OTUD7B: variants seen among roughly 807,000 people sequenced by gnomAD.
OTUD7B encodes OTU deubiquitinase 7B.
A neutral mutation model predicts 82.2 loss-of-function variants in OTUD7B; 34 were observed. The ratio of observed to expected loss-of-function variants is 0.41; its 90% CI spans 0.31 to 0.55. OTUD7B has a LOEUF of 0.55. OTUD7B is among the 20% of genes least tolerant of loss of function. OTUD7B has a pLI of 0.20. For synonymous variants in OTUD7B, 398 were observed against 402.7 expected, an observed-to-expected ratio of 0.99 and a Z score of 0.14; for missense variants, 944 against 1,062.1, an observed-to-expected ratio of 0.89 and a Z score of 1.55.
chr1:150,064,132 T>C, the OTUD7B span, among the ~76,000 whole-genome samples: 13 of 152,252 alleles, frequency 8.5e-5, no homozygotes, highest in Non-Finnish European at 2.9e-5. Flanking sequence ...TTTTGATTTC[T>C]AATAATCGAA....
At chr1:149,972,808 G>A (rs587633643) in intron 2 of OTUD7B, among the ~76,000 whole-genome samples, 3 of 152,156 alleles carry the variant, frequency 2.0e-5, no homozygotes, top group South Asian at 2.1e-4. Context: ...CTTGAGCATC[G>A]GATCTATACT....
At chr1:150,066,969 C>CCTGA in the OTUD7B span, 3 of 152,256 alleles carry the variant, frequency 2.0e-5, no homozygotes, top group Non-Finnish European at 2.9e-5. The surrounding 1 kb of genome is among the most constrained non-coding windows in gnomAD (Gnocchi z 4.6). Context: ...TCGGCTCTTG[C>CCTGA]CTGAGTTTCA....
chr1:149,960,217 C>G (rs1553775363), intron 6 of OTUD7B, among the ~76,000 whole-genome samples: 1 of 151,896 alleles, frequency 6.6e-6, no homozygotes. Flanking sequence ...ACTTTCTATT[C>G]CTCTAAATTC....
At chr1:150,059,306 C>CT in the OTUD7B span, among the ~76,000 whole-genome samples, 580 of 42,286 alleles carry the variant, frequency 0.014, 98 homozygotes, top group African/African-American at 0.058. Flanking sequence ...ACCCCCCCCC[C>CT]CCCCGCCTCC....
intron 11 of OTUD7B, among the ~76,000 whole-genome samples, chr1:149,946,278 G>A (rs587709019): frequency 2.0e-4 from 30 of 151,020 alleles, no homozygotes; most frequent in African/African-American, 6.8e-4. Flanking sequence ...CAGGAGAATC[G>A]CTTGAACCCA....
At chr1:150,014,034 ACG>A (rs1653191424), upstream of OTUD7B, among the ~76,000 whole-genome samples, 1 of 128,908 alleles carries the variant, frequency 7.8e-6, no homozygotes, top group Non-Finnish European at 1.7e-5. Flanking sequence ...ACGTATATAT[ACG>A]TATATATGTG....
intron 1 of OTUD7B, among the ~76,000 whole-genome samples, chr1:149,995,346 G>A (rs113562634): frequency 0.047 from 7,146 of 152,188 alleles, 215 homozygotes; most frequent in Non-Finnish European, 0.072. Flanking sequence ...TTGGAAGGCT[G>A]AGCAGGTGGA....
the OTUD7B span, among the ~76,000 whole-genome samples, chr1:150,057,904 C>A: frequency 6.6e-6 from 1 of 152,168 alleles, no homozygotes; most frequent in African/African-American, 2.4e-5. Context: ...GTATAGCTAG[C>A]TAACATCACA....
rs1261463415 is a variant in OTUD7B, at chr1:149,938,313, T to G, written c.*5544A>C. 6.6e-6 allele frequency: 1 copy of G among 151,278 alleles called. No individual in the cohort carries two copies. Among genetic ancestry groups the G allele is most frequent in the Non-Finnish European group, 1.5e-5 (1 of 67,872 alleles). 9.4% of individuals were successfully genotyped at this position (151,278 alleles called of 1,614,324 possible). ...CCATCTCTACTGAAAATACAAAAAT[T>G]AGCCAGGCGTGGTGGCTCACACCTA... is the stretch of plus-strand genomic sequence containing the variant. On this transcript the variant is annotated 3_prime_UTR_variant, in exon 12 of 12. Coordinates refer to ENST00000581312, the MANE Select transcript of OTUD7B (RefSeq NM_020205.4).
chr1:150,030,157 C>G, the OTUD7B span, among the ~76,000 whole-genome samples: 4 of 152,168 alleles, frequency 2.6e-5, no homozygotes, highest in Non-Finnish European at 5.9e-5. Context: ...TTCCTTCAGT[C>G]ACGATTCTAA....
At chr1:150,057,838 T>G in the OTUD7B span, among the ~76,000 whole-genome samples, 843 of 152,362 alleles carry the variant, frequency 5.5e-3, 4 homozygotes, top group African/African-American at 0.019. Flanking sequence ...TAATCCTTAC[T>G]CTAAGAATGT....
In OTUD7B at chr1:149,939,333, C is replaced by T. The variant is rs969780584; in HGVS notation, c.*4524G>A. 6.6e-6 allele frequency: 1 copy of T among 152,302 alleles called. No individual in the cohort carries two copies. The highest frequency in any genetic ancestry group is 1.5e-5 in the Non-Finnish European group (1 of 68,088). 9.4% of individuals were successfully genotyped at this position (152,302 alleles called of 1,614,324 possible). A position where few individuals can be genotyped will look rare whatever the true frequency, so the allele number is the denominator to read the frequency against. ...CAGCTTCCGTTGCTCTTTTGTACTG[C>T]CCCTTACCCACTTGGCCAATGCAAG... On this transcript the variant is annotated 3_prime_UTR_variant, in exon 12 of 12. Coordinates refer to ENST00000581312, the MANE Select transcript of OTUD7B (RefSeq NM_020205.4).
chr1:149,947,198 T>G (rs1571588861), intron 11 of OTUD7B, 53 bp downstream of exon 11: 1 of 1,021,862 alleles, frequency 9.8e-7, no homozygotes, highest in Non-Finnish European at 1.6e-6. Flanking sequence ...CCTTGTTCTG[T>G]CACTGAAAAT....
chr1:150,064,690 A>G, the OTUD7B span, among the ~76,000 whole-genome samples: 2 of 152,236 alleles, frequency 1.3e-5, no homozygotes, highest in African/African-American at 4.8e-5. Context: ...TCTTTATGCA[A>G]ATATTTTTTT....
chr1:149,993,705 A>T (rs1484261377), intron 1 of OTUD7B, among the ~76,000 whole-genome samples: 1 of 152,182 alleles, frequency 6.6e-6, no homozygotes, highest in African/African-American at 2.4e-5. Context: ...CTGTTTCCTT[A>T]ATCTTACTAA....
intron 1 of OTUD7B, among the ~76,000 whole-genome samples, chr1:150,006,107 A>C (rs1652644070): frequency 6.6e-6 from 1 of 152,208 alleles, no homozygotes; most frequent in African/African-American, 2.4e-5. Flanking sequence ...TAGAAATGCA[A>C]ATTTATTTCA....
Position 150,003,111 on chromosome 1 carries a change from A to T in OTUD7B, c.-67+7337T>A, listed in dbSNP as rs587747742. Among the ~76,000 whole-genome samples the T allele has an allele frequency of 1.4e-4, 21 of 152,004 alleles. 2 individuals carry two copies. Among genetic ancestry groups the T allele is most frequent in the Non-Finnish European group, 2.8e-4 (19 of 67,940 alleles). On this transcript the variant is annotated intron_variant, in intron 1 of 11. Coordinates refer to ENST00000581312, the MANE Select transcript of OTUD7B (RefSeq NM_020205.4). ...TAAAAATACAAAAAATTAGCCGGGCATGGTGGCGGGCGCCTGTAGTCCCAG... is the reference window on the plus strand; with the variant it reads ...TAAAAATACAAAAAATTAGCCGGGCTTGGTGGCGGGCGCCTGTAGTCCCAG...
the OTUD7B span, among the ~76,000 whole-genome samples, chr1:150,058,359 A>C: frequency 6.6e-6 from 1 of 151,998 alleles, no homozygotes; most frequent in Non-Finnish European, 1.5e-5. Context: ...AATACAAATA[A>C]ATTAATGGGC....
chr1:149,979,346 TC>T (rs1380441524), intron 1 of OTUD7B, among the ~76,000 whole-genome samples: 1 of 152,140 alleles, frequency 6.6e-6, no homozygotes, highest in African/African-American at 2.4e-5. Context: ...CTGTCACAAC[TC>T]TTACCTCCCT....
Sources: allele counts gnomAD v4.1 joint callset (sites outside exome capture counted in the v4.1 genomes callset), GRCh38; gene constraint gnomAD v4.1.1; non-coding constraint Gnocchi (gnomAD v3.1); transcripts MANE v1.5; gene names NCBI Gene and HGNC (gene_info 2026-07-23, HGNC 2026-07-21).